YTHDC1: variants seen among roughly 807,000 people sequenced by gnomAD.
YTHDC1 encodes YTH N6-methyladenosine RNA binding protein C1.
YTHDC1 carries 12 observed loss-of-function variants against 107.0 expected under a neutral mutation model. The ratio of observed to expected loss-of-function variants is 0.11; its 90% CI spans 0.07 to 0.18. The LOEUF is 0.18. Among genes scored for constraint, YTHDC1 ranks in the 10% least tolerant of loss-of-function variants. The probability of loss-of-function intolerance (pLI) is 1.00; values close to 1 mark genes in which losing one functional copy is unlikely to be tolerated. For synonymous variants in YTHDC1, 280 were observed against 289.5 expected (o/e 0.97, Z 0.33); for missense variants, 635 against 898.8 (o/e 0.71, Z 3.75).
At chr4:68,314,827 A>G (rs1560468301) in intron 16 of YTHDC1, among the ~76,000 whole-genome samples, 1 of 151,846 alleles carries the variant, frequency 6.6e-6, no homozygotes, top group Non-Finnish European at 1.5e-5. Context: ...AACTAAGTTG[A>G]TGTGCAAGAA....
chr4:68,345,881 C>G (rs560483213), intron 1 of YTHDC1, among the ~76,000 whole-genome samples: 1 of 152,052 alleles, frequency 6.6e-6, no homozygotes, highest in African/African-American at 2.4e-5. Flanking sequence ...GCACGCCCAA[C>G]AGATCTGTTG....
rs771513961 is a variant in YTHDC1, at chr4:68,337,668, G to A, written c.363C>T (p.Ala121=). The change falls in exon 3 of 17, where the codon GCC becomes GCT. Residue 121 remains alanine (A), a synonymous_variant. Transcript: ENST00000344157. ...ADRKIRLSSS[A]SREPYKNQPE... is the part of the protein sequence containing the mutation. ...GTTGATTCTTATAAGGTTCTCTGGA[G>A]GCACTACTTGATAGACGAATTTTCC... is the stretch of plus-strand genomic sequence containing the variant. The A allele has an allele frequency of 4.3e-6, 7 of 1,614,070 alleles. No individual in the cohort carries two copies. In the South Asian group the frequency reaches 6.6e-5, roughly 15 times the overall value.
chr4:68,330,370 G>C, intron 7 of YTHDC1, 60 bp from the exon 8 acceptor site: 1 of 1,177,436 alleles, frequency 8.5e-7, no homozygotes. Flanking sequence ...TGTGTTTCCA[G>C]TTATGTTTGA....
chr4:68,340,498 G>T (rs922664345), intron 1 of YTHDC1, among the ~76,000 whole-genome samples: 1 of 151,818 alleles, frequency 6.6e-6, no homozygotes, highest in African/African-American at 2.4e-5. Context: ...TCATGTTTTT[G>T]CTAAGAAAAA....
intron 1 of YTHDC1, among the ~76,000 whole-genome samples, chr4:68,347,345 C>G (rs1725563929): frequency 6.6e-6 from 1 of 152,126 alleles, no homozygotes; most frequent in Admixed American, 6.5e-5. Context: ...AGAAAAATGG[C>G]ATTTAATATT....
chr4:68,316,450 T>TA lies in YTHDC1; in HGVS notation c.1825-3dup, dbSNP rs766500821. On this transcript the variant is annotated splice_region_variant and splice_polypyrimidine_tract_variant and intron_variant, in intron 15 of 16. Coordinates refer to ENST00000344157, the MANE Select transcript of YTHDC1 (RefSeq NM_001031732.4). ...TTGTTCCATTCCTGGGTAAGGGGGC[T>TA]AAAAAAGGAAAACCATTTACATTAA... 2.9e-5 allele frequency: 47 copies of TA among 1,610,542 alleles called. No individual in the cohort carries two copies. The African/African-American group carries it at 5.9e-4, about 20-fold the overall frequency.
In YTHDC1 at chr4:68,312,006, G is replaced by A. The variant is rs970735278; in HGVS notation, c.*2093C>T. 1.3e-5 allele frequency: 2 copies of A among 152,168 alleles called. No homozygotes were observed. Among genetic ancestry groups the A allele is most frequent in the African/African-American group, 4.8e-5 (2 of 41,420 alleles). 9.4% of individuals were successfully genotyped at this position (152,168 alleles called of 1,614,324 possible). A position where few individuals can be genotyped will look rare whatever the true frequency, so the allele number is the denominator to read the frequency against. On this transcript the variant is annotated 3_prime_UTR_variant, in exon 17 of 17. Transcript: ENST00000344157. ...TACTAAAATTACAAAAATTAGCGGGGTGTGGTGGTGGGTGCCTGTAGTCCC... is the reference window on the plus strand; with the variant it reads ...TACTAAAATTACAAAAATTAGCGGGATGTGGTGGTGGGTGCCTGTAGTCCC...
intron 4 of YTHDC1, among the ~76,000 whole-genome samples, chr4:68,336,680 C>T (rs374078234): frequency 2.0e-5 from 3 of 152,156 alleles, no homozygotes; most frequent in South Asian, 4.1e-4. Context: ...GGACAGGTTT[C>T]CTATGAATAT....
intron 9 of YTHDC1, among the ~76,000 whole-genome samples, chr4:68,327,610 T>G (rs1439332293): frequency 6.6e-6 from 1 of 152,186 alleles, no homozygotes; most frequent in Non-Finnish European, 1.5e-5. Flanking sequence ...CTAGTTATTA[T>G]TATATCCAAA....
intron 12 of YTHDC1, 83 bp from the exon 13 acceptor site, chr4:68,318,945 T>C: frequency 7.2e-7 from 1 of 1,384,198 alleles, no homozygotes; most frequent in South Asian, 1.2e-5. Flanking sequence ...TTACCACTCG[T>C]TTCAATTCTT....
chr4:68,337,017 A>T lies in YTHDC1; in HGVS notation c.883+10T>A. 1 of 1,562,026 alleles carries T rather than the reference A, an allele frequency of 6.4e-7. No homozygotes were observed. The highest frequency in any genetic ancestry group is 8.7e-7 in the Non-Finnish European group (1 of 1,155,072). On this transcript the variant is annotated intron_variant, in intron 4 of 16. Transcript: ENST00000344157. ...TTTTAAGACAAACTTTTACATATAA[A>T]AAGTAGTACCTGATCCATCTGTGCC...
At chr4:68,342,198 C>T (rs910256306) in intron 1 of YTHDC1, among the ~76,000 whole-genome samples, 9 of 152,128 alleles carry the variant, frequency 5.9e-5, no homozygotes, top group African/African-American at 2.2e-4. Flanking sequence ...CGGGGTCTCC[C>T]ATGTGGCTGC....
chr4:68,323,189 G>A (rs749483400), intron 10 of YTHDC1, among the ~76,000 whole-genome samples: 1 of 152,182 alleles, frequency 6.6e-6, no homozygotes, highest in South Asian at 2.1e-4. Context: ...TCTGAAAAGG[G>A]ACTATTTCTT....
intron 1 of YTHDC1, among the ~76,000 whole-genome samples, chr4:68,347,021 T>C (rs1241859534): frequency 6.6e-6 from 1 of 152,204 alleles, no homozygotes; most frequent in Non-Finnish European, 1.5e-5. Context: ...TTCGTTATCA[T>C]ACTGCACATG....
chr4:68,327,623 G>T (rs1360858230), intron 9 of YTHDC1, among the ~76,000 whole-genome samples: 1 of 151,986 alleles, frequency 6.6e-6, no homozygotes, highest in African/African-American at 2.4e-5. Context: ...TATCCAAAGG[G>T]TCCTTAAATA....
chr4:68,348,966 C>T (rs887320627), intron 1 of YTHDC1, among the ~76,000 whole-genome samples: 14 of 152,212 alleles, frequency 9.2e-5, no homozygotes, highest in African/African-American at 3.4e-4. Context: ...GTATTACTAT[C>T]TTTCCATTAC....
chr4:68,347,468 G>C (rs778300152), intron 1 of YTHDC1, among the ~76,000 whole-genome samples: 1 of 152,106 alleles, frequency 6.6e-6, no homozygotes, highest in Non-Finnish European at 1.5e-5. Flanking sequence ...CAGCTTCTAG[G>C]TATGAGTATT....
intron 1 of YTHDC1, among the ~76,000 whole-genome samples, chr4:68,347,046 A>G (rs1725527643): frequency 6.6e-6 from 1 of 152,190 alleles, no homozygotes; most frequent in South Asian, 2.1e-4. Context: ...TTAACCAGTC[A>G]GTCAATGAAG....
At chr4:68,326,581 T>C (rs1228668427) in intron 9 of YTHDC1, among the ~76,000 whole-genome samples, 1 of 152,134 alleles carries the variant, frequency 6.6e-6, no homozygotes, top group African/African-American at 2.4e-5. Flanking sequence ...TAACAAAGAA[T>C]GTAAAACTGT....
Sources: gnomAD v4.1 joint callset for allele counts (sites outside exome capture counted in the v4.1 genomes callset) on GRCh38, gnomAD v4.1.1 for gene constraint, MANE v1.5 for transcripts, NCBI Gene and HGNC (gene_info 2026-07-23, HGNC 2026-07-21) for gene names.